Variants in SLC22A25 observed in about 807,000 individuals in gnomAD.
The protein encoded by SLC22A25 is MGI:2442751, MGI:2385316, MGI:3042283, MGI:3645714, MGI:3605624, MGI:2442750.
Under a neutral mutation model 45.9 loss-of-function variants are expected in SLC22A25, and 44 were observed. That is an observed-to-expected ratio of 0.96 (90% CI 0.75 to 1.23). The LOEUF (loss-of-function observed/expected upper bound fraction) is 1.23, where lower values mean the gene tolerates loss of function less well. SLC22A25 is among the 50% of genes most tolerant of loss of function. The probability of loss-of-function intolerance (pLI) is 0.00; values close to 1 mark genes in which losing one functional copy is unlikely to be tolerated. For missense variants in SLC22A25, 800 were observed against 666.4 expected (o/e 1.20, Z -2.21); for synonymous variants, 283 against 238.6 (o/e 1.19, Z -1.72).
In SLC22A25 at chr11:63,159,568, T is replaced by C. The variant is rs2087518784; in HGVS notation, c.*4256A>G. Reference sequence around the variant, plus strand: ...GAACTGTGAGTACATTAAACCTCTTTTCTTTATAACTTACCCAGTCTCAGG... The same window carrying C: ...GAACTGTGAGTACATTAAACCTCTTCTCTTTATAACTTACCCAGTCTCAGG... On this transcript the variant is annotated 3_prime_UTR_variant, in exon 12 of 12. Transcript: ENST00000306494. 6.6e-6 allele frequency among the ~76,000 whole-genome samples: 1 copy of C among 152,184 alleles called. No individual in the cohort carries two copies. Among genetic ancestry groups the C allele is most frequent in the African/African-American group, 2.4e-5 (1 of 41,434 alleles).
chr11:63,234,375 C>A (rs1163426544), intron 3 of SLC22A25, among the ~76,000 whole-genome samples: 3 of 152,128 alleles, frequency 2.0e-5, no homozygotes, highest in Non-Finnish European at 4.4e-5. Context: ...TGAATTGATC[C>A]CTTTACCATT....
intron 8 of SLC22A25, 131 bp downstream of exon 8, chr11:63,183,563 A>G: frequency 8.7e-7 from 1 of 1,153,926 alleles, no homozygotes; most frequent in South Asian, 1.5e-5. Context: ...CCCATTGAGA[A>G]TGATCGTGAG....
chr11:63,195,651 A>G (rs189314066), intron 7 of SLC22A25, among the ~76,000 whole-genome samples: 11,909 of 152,216 alleles, frequency 0.078, 674 homozygotes, highest in African/African-American at 0.16. Context: ...AAGAGAAAGC[A>G]GGAAAGATCC....
intron 9 of SLC22A25, among the ~76,000 whole-genome samples, chr11:63,168,792 A>T (rs575578354): frequency 1.3e-4 from 20 of 152,306 alleles, no homozygotes; most frequent in Non-Finnish European, 2.5e-4. Flanking sequence ...ACAGGCCAAC[A>T]TACAATTTCA....
intron 7 of SLC22A25, among the ~76,000 whole-genome samples, chr11:63,189,331 G>A (rs2088699054): frequency 6.6e-6 from 1 of 152,066 alleles, no homozygotes; most frequent in Admixed American, 6.6e-5. Flanking sequence ...ATCATTGTTG[G>A]TTTAAAGTCT....
chr11:63,160,192 G>T lies in SLC22A25; in HGVS notation c.*3632C>A, dbSNP rs966850346. Among the ~76,000 whole-genome samples, 1 of 152,180 alleles carries T rather than the reference G, an allele frequency of 6.6e-6. No homozygotes were observed. Among genetic ancestry groups the T allele is most frequent in the Non-Finnish European group, 1.5e-5 (1 of 68,032 alleles). ...AAAGGTTAATCCCTAAGACAATGGG[G>T]AAAATGTCTCCAGGGCATGTCAGAG... On this transcript the variant is annotated 3_prime_UTR_variant, in exon 12 of 12. Transcript: ENST00000306494.
intron 7 of SLC22A25, among the ~76,000 whole-genome samples, chr11:63,193,755 TC>T (rs2088898626): frequency 6.6e-6 from 1 of 152,138 alleles, no homozygotes; most frequent in South Asian, 2.1e-4. Flanking sequence ...GTGCCTCTTC[TC>T]CTCCAAAGGA....
chr11:63,188,834 G>T (rs906105298), intron 7 of SLC22A25, among the ~76,000 whole-genome samples: 3 of 152,182 alleles, frequency 2.0e-5, no homozygotes, highest in Non-Finnish European at 4.4e-5. Context: ...AGGTTGTTCA[G>T]TTTCCATGTA....
chr11:63,212,003 C>T (rs1355423725), intron 7 of SLC22A25, among the ~76,000 whole-genome samples: 31 of 151,292 alleles, frequency 2.0e-4, no homozygotes, highest in East Asian at 3.9e-4. Context: ...AAAAAGTGGG[C>T]GAAGGATATG....
chr11:63,169,492 G>GA (rs1262513575), intron 9 of SLC22A25, among the ~76,000 whole-genome samples: 2 of 151,138 alleles, frequency 1.3e-5, no homozygotes, highest in Non-Finnish European at 3.0e-5. Flanking sequence ...CAAAGAGAAA[G>GA]AAAAAAAAGC....
rs556321896 is a variant in SLC22A25 at position 63,214,610 on chromosome 11, AT to A, written c.830+2703del. ...GTGCAGCTGCAAGGTCACTAGACAGATAAACTCAAGTTGTAAAACATGTTTT... is the reference window on the plus strand; with the variant it reads ...GTGCAGCTGCAAGGTCACTAGACAGAAAACTCAAGTTGTAAAACATGTTTT... On this transcript the variant is annotated intron_variant, in intron 7 of 11. Transcript: ENST00000306494. 7.2e-5 allele frequency among the ~76,000 whole-genome samples: 11 copies of A among 152,330 alleles called. No homozygotes were observed. In the East Asian group the frequency reaches 1.9e-3, roughly 27 times the overall value.
intron 5 of SLC22A25, among the ~76,000 whole-genome samples, chr11:63,224,265 T>C (rs1049664131): frequency 6.6e-6 from 1 of 152,168 alleles, no homozygotes; most frequent in Admixed American, 6.5e-5. Flanking sequence ...CTTGCTCTTT[T>C]TTGGTTTTCA....
intron 7 of SLC22A25, among the ~76,000 whole-genome samples, chr11:63,195,493 C>T (rs898674466): frequency 3.3e-5 from 5 of 152,120 alleles, no homozygotes; most frequent in African/African-American, 1.2e-4. Flanking sequence ...ACGACCTGCT[C>T]CTGAATGACT....
intron 7 of SLC22A25, among the ~76,000 whole-genome samples, chr11:63,215,106 C>A (rs1371082545): frequency 6.6e-6 from 1 of 152,154 alleles, no homozygotes; most frequent in Non-Finnish European, 1.5e-5. Context: ...GATTATAAAT[C>A]ATTCTACTAT....
In SLC22A25 at chr11:63,239,113, C is replaced by T; in HGVS notation, c.-973G>A. 6.1e-6 allele frequency: 1 copy of T among 164,116 alleles called. No individual in the cohort carries two copies. The highest frequency in any genetic ancestry group is 1.7e-4 in the South Asian group (1 of 5,734). 10.2% of individuals were successfully genotyped at this position (164,116 alleles called of 1,614,324 possible). ...CTTGATCCAAGAAGTCCTGAAATAC[C>T]ATTGAGGCTGAAGAGATTATCCCTA... On this transcript the variant is annotated 5_prime_UTR_variant, in exon 2 of 12. An upstream start codon of the reference 5' UTR is lost. Coordinates refer to ENST00000306494, the MANE Select transcript of SLC22A25 (RefSeq NM_199352.6).
chr11:63,185,454 A>G (rs913770362), intron 7 of SLC22A25, among the ~76,000 whole-genome samples: 11 of 152,052 alleles, frequency 7.2e-5, no homozygotes, highest in Non-Finnish European at 1.5e-4. Context: ...ATGTCTCTAC[A>G]AAGGACATGA....
intron 7 of SLC22A25, among the ~76,000 whole-genome samples, chr11:63,198,607 T>C (rs867890349): frequency 6.6e-6 from 1 of 151,976 alleles, no homozygotes; most frequent in Non-Finnish European, 1.5e-5. Context: ...TTAGGAGAAA[T>C]ACCTAATGTA....
In SLC22A25 at chr11:63,160,601, G is replaced by A. The variant is rs142085355; in HGVS notation, c.*3223C>T. On this transcript the variant is annotated 3_prime_UTR_variant, in exon 12 of 12. Transcript: ENST00000306494. Reference sequence around the variant, plus strand: ...GAAGTCCATACACAGAGTCTCCATCGGAGACTGCTTAGTGGAGCTGTGAGA... The same window carrying A: ...GAAGTCCATACACAGAGTCTCCATCAGAGACTGCTTAGTGGAGCTGTGAGA... Among the ~76,000 whole-genome samples the A allele has an allele frequency of 6.8e-4, 103 of 152,282 alleles. No individual in the cohort carries two copies. The highest frequency in any genetic ancestry group is 2.2e-3 in the African/African-American group (93 of 41,546).
At chr11:63,183,145 T>C (rs2088390603) in intron 8 of SLC22A25, among the ~76,000 whole-genome samples, 1 of 152,118 alleles carries the variant, frequency 6.6e-6, no homozygotes, top group African/African-American at 2.4e-5. Context: ...GCTTTAAAGC[T>C]TATAGTAAGT....
Sources: gnomAD v4.1 joint callset for allele counts (sites outside exome capture counted in the v4.1 genomes callset) on GRCh38, gnomAD v4.1.1 for gene constraint, MANE v1.5 for transcripts, NCBI Gene and HGNC (gene_info 2026-07-23, HGNC 2026-07-21) for gene names.